The following COL24A1 variants were observed in gnomAD, a reference collection of about 807,000 sequenced individuals.
The protein encoded by COL24A1 is collagen alpha-1(XXIV) chain.
COL24A1 carries 224 observed loss-of-function variants against 253.9 expected under a neutral mutation model. That is an observed-to-expected ratio of 0.88 (90% CI 0.79 to 0.99). The LOEUF is 0.99. Ranked by LOEUF, COL24A1 falls within the 50% of genes least tolerant of loss-of-function variation. COL24A1 has a pLI of 0.00. For missense variants in COL24A1, 2,131 were observed against 2,068.5 expected (o/e 1.03, Z -0.59); for synonymous variants, 685 against 673.7 (o/e 1.02, Z -0.26).
At chr1:85,850,405 AAC>A (rs1490037308) in intron 37 of COL24A1, among the ~76,000 whole-genome samples, 1 of 152,210 alleles carries the variant, frequency 6.6e-6, no homozygotes, top group Non-Finnish European at 1.5e-5. Context: ...TGAACGAATA[AAC>A]AGATACCTAA....
chr1:85,964,948 T>C (rs950818166), intron 23 of COL24A1, 61 bp downstream of exon 23: 4 of 1,413,116 alleles, frequency 2.8e-6, no homozygotes, highest in African/African-American at 1.4e-5. Context: ...TGTATGAAAG[T>C]CATAATTTTA....
At chr1:85,798,501 T>C (rs1172704463) in intron 47 of COL24A1, among the ~76,000 whole-genome samples, 6 of 152,164 alleles carry the variant, frequency 3.9e-5, no homozygotes, top group Non-Finnish European at 5.9e-5. Flanking sequence ...TGTAGGTCTC[T>C]TTCTCCAAAA....
At chr1:85,736,545 A>G (rs113201649) in intron 58 of COL24A1, 11 of 453,808 alleles carry the variant, frequency 2.4e-5, no homozygotes, top group African/African-American at 1.2e-4. Flanking sequence ...TTTCAGGGGT[A>G]ATAATGGTGA....
chr1:85,838,709 A>T (rs932784044), intron 42 of COL24A1, 71 bp from the exon 43 acceptor site: 66 of 1,378,114 alleles, frequency 4.8e-5, no homozygotes, highest in African/African-American at 1.4e-5. Context: ...AGGTGATAAG[A>T]TTAGTGTTGT....
At chr1:86,126,307 T>C (rs2102275118) in intron 2 of COL24A1, 93 bp from the exon 3 acceptor site, 1 of 1,125,558 alleles carries the variant, frequency 8.9e-7, no homozygotes, top group East Asian at 2.5e-5. Flanking sequence ...ATCTTCCTTG[T>C]AGCAACAGTA....
intron 12 of COL24A1, among the ~76,000 whole-genome samples, chr1:86,038,377 T>C (rs1387798813): frequency 6.6e-6 from 1 of 152,166 alleles, no homozygotes; most frequent in Non-Finnish European, 1.5e-5. Flanking sequence ...TACTGCCTGC[T>C]CGAACCCTTA....
Position 85,908,622 on chromosome 1 carries a change from T to C in COL24A1, c.2700A>G (p.Gly900=). ...CAGGTAATCCCAATGGACCGATAGG[T>C]CCTGGAACCCCAGGAGGACCTGGAT... The part of the protein sequence containing the change: ...MGYPGPPGVP[G]PIGPLGLPGH... Residue 900 remains glycine (G), a synonymous_variant, in exon 27 of 60, where the codon GGA becomes GGG. Coordinates refer to ENST00000370571, the MANE Select transcript of COL24A1 (RefSeq NM_152890.7). The C allele has an allele frequency of 6.8e-7, 1 of 1,477,466 alleles. No individual in the cohort carries two copies. The highest frequency in any genetic ancestry group is 9.1e-7 in the Non-Finnish European group (1 of 1,101,770). The allele number at this position is 1,477,466 out of a possible 1,614,324, so 91.5% of individuals were successfully genotyped here. A position where few individuals can be genotyped will look rare whatever the true frequency, so the allele number is the denominator to read the frequency against.
rs993409014 is a variant in COL24A1, at chr1:85,875,326, G to T, written c.3035C>A (p.Pro1012His). Reference protein sequence around the residue: ...GPPGEMGMEGPPGTEGESGLQ... With the variant: ...GPPGEMGMEGHPGTEGESGLQ... Reference sequence around the variant, plus strand: ...ACCAGACTCTCCCTCAGTGCCTGGAGGTCCCTACAAGAGAATAATTTAACA... The same window carrying T: ...ACCAGACTCTCCCTCAGTGCCTGGATGTCCCTACAAGAGAATAATTTAACA... Residue 1012 changes from proline (P) to histidine (H), a missense_variant, in exon 34 of 60, where the codon CCT becomes CAT. Pro to His is a moderately conservative substitution (Grantham distance 77). Transcript: ENST00000370571. The T allele has an allele frequency of 1.1e-5, 18 of 1,613,302 alleles. No homozygotes were observed. Among genetic ancestry groups the T allele is most frequent in the Non-Finnish European group, 1.5e-5 (18 of 1,179,364 alleles).
intron 19 of COL24A1, among the ~76,000 whole-genome samples, chr1:85,990,411 A>G (rs1694141370): frequency 6.6e-6 from 1 of 152,166 alleles, no homozygotes; most frequent in African/African-American, 2.4e-5. Flanking sequence ...AGACTCTCAT[A>G]AGGAGCATGC....
At chr1:86,111,341 T>A (rs557930939) in intron 5 of COL24A1, among the ~76,000 whole-genome samples, 1 of 152,186 alleles carries the variant, frequency 6.6e-6, no homozygotes, top group Admixed American at 6.5e-5. Flanking sequence ...GGTTTGTAAA[T>A]GCACCAATCA....
At chr1:85,827,348 T>A (rs1291005041) in intron 43 of COL24A1, among the ~76,000 whole-genome samples, 1 of 151,450 alleles carries the variant, frequency 6.6e-6, no homozygotes, top group Non-Finnish European at 1.5e-5. Context: ...TTGAGGATTT[T>A]TGCATCAATG....
At chr1:86,052,357 TA>T (rs1438370725) in intron 10 of COL24A1, among the ~76,000 whole-genome samples, 1 of 152,088 alleles carries the variant, frequency 6.6e-6, no homozygotes, top group African/African-American at 2.4e-5. Context: ...GATGAATGAA[TA>T]AACAAAATGT....
chr1:85,736,841 T>TC (rs1338091502), intron 58 of COL24A1, among the ~76,000 whole-genome samples: 1 of 152,180 alleles, frequency 6.6e-6, no homozygotes, highest in Non-Finnish European at 1.5e-5. Context: ...TTGTTATAAC[T>TC]CCCAGTGTTA....
At chr1:85,986,937 C>T (rs541129353) in intron 20 of COL24A1, among the ~76,000 whole-genome samples, 1 of 151,880 alleles carries the variant, frequency 6.6e-6, no homozygotes, top group Non-Finnish European at 1.5e-5. Context: ...GCTTGCATGG[C>T]AAATCTTGGT....
At chr1:85,988,626 A>G (rs1693951081) in intron 19 of COL24A1, among the ~76,000 whole-genome samples, 1 of 152,126 alleles carries the variant, frequency 6.6e-6, no homozygotes. Flanking sequence ...AGCATCTTTA[A>G]AAGTAAAGAA....
At chr1:85,975,180 C>G (rs573963148) in intron 20 of COL24A1, among the ~76,000 whole-genome samples, 37 of 152,058 alleles carry the variant, frequency 2.4e-4, no homozygotes, top group African/African-American at 5.8e-4. Flanking sequence ...TAAATCAATA[C>G]AGCTAATATG....
intron 17 of COL24A1, 74 bp downstream of exon 17, chr1:86,022,464 A>C: frequency 7.2e-7 from 1 of 1,394,420 alleles, no homozygotes; most frequent in African/African-American, 1.5e-5. Flanking sequence ...ATACATGGAT[A>C]AAATAATAAG....
Position 86,031,888 on chromosome 1 carries a change from G to A in COL24A1, c.2039C>T (p.Pro680Leu). The change falls in exon 14 of 60, where the codon CCT becomes CTT. Residue 680 changes from proline (P) to leucine (L), a missense_variant. Physicochemically the swap from Pro to Leu is moderately conservative, Grantham distance 98. Transcript: ENST00000370571. ...TTTAGTGATACTCACTCTAAGCCCA[G>A]GAAACCCCGGAGGACCAGTGCCACC... Reference protein sequence around the residue: ...LVGGTGPPGFPGLRGSVGPVG... With the variant: ...LVGGTGPPGFLGLRGSVGPVG... 6.2e-7 allele frequency: 1 copy of A among 1,607,924 alleles called. No homozygotes were observed. The highest frequency in any genetic ancestry group is 1.1e-5 in the South Asian group (1 of 89,824).
intron 37 of COL24A1, among the ~76,000 whole-genome samples, chr1:85,850,432 C>A (rs1250560870): frequency 6.6e-6 from 1 of 152,140 alleles, no homozygotes; most frequent in Admixed American, 6.6e-5. Context: ...ATGACTCATA[C>A]CCTATGCTCC....
Sources: allele counts gnomAD v4.1 joint callset (sites outside exome capture counted in the v4.1 genomes callset), GRCh38; gene constraint gnomAD v4.1.1; transcripts MANE v1.5; gene names NCBI Gene and HGNC (gene_info 2026-07-23, HGNC 2026-07-21).